The following CDH13 variants were observed in gnomAD, a reference collection of about 807,000 sequenced individuals.
CDH13 encodes the protein cadherin 13.
In CDH13, 24 loss-of-function variants were observed where a neutral mutation model predicts 63.8. The ratio of observed to expected loss-of-function variants is 0.38; its 90% confidence interval spans 0.27 to 0.53. CDH13 has a LOEUF of 0.53. Among genes scored for constraint, CDH13 ranks in the 20% least tolerant of loss-of-function variants. CDH13 has a pLI of 0.85. For synonymous variants in CDH13, 503 were observed against 355.3 expected (o/e 1.42, Z -4.67); for missense variants, 1,049 against 903.1 (o/e 1.16, Z -2.07).
At chr16:83,593,586 A>T (rs1391714112) in intron 7 of CDH13, among the ~76,000 whole-genome samples, 1 of 150,794 alleles carries the variant, frequency 6.6e-6, no homozygotes, top group Non-Finnish European at 1.5e-5. Context: ...TTGTATATTT[A>T]TGTAATAGTG....
intron 4 of CDH13, among the ~76,000 whole-genome samples, chr16:83,146,903 C>G (rs2036774858): frequency 6.6e-6 from 1 of 152,200 alleles, no homozygotes; most frequent in Admixed American, 6.5e-5. Context: ...GCCTAGTCAA[C>G]ATGGTGAAAC....
chr16:82,980,982 T>C (rs1910184406), intron 2 of CDH13, among the ~76,000 whole-genome samples: 1 of 152,168 alleles, frequency 6.6e-6, no homozygotes, highest in Non-Finnish European at 1.5e-5. Context: ...TGCTGCTTTT[T>C]TCTCATCCCC....
At chr16:83,021,829 C>G (rs764446831) in intron 2 of CDH13, among the ~76,000 whole-genome samples, 1 of 152,102 alleles carries the variant, frequency 6.6e-6, no homozygotes, top group East Asian at 1.9e-4. Flanking sequence ...TGACTCTAGG[C>G]CAAACATGGA....
At chr16:83,254,407 G>T (rs1161769079) in intron 5 of CDH13, among the ~76,000 whole-genome samples, 1 of 152,112 alleles carries the variant, frequency 6.6e-6, no homozygotes, top group Non-Finnish European at 1.5e-5. Context: ...AGTTTCAGGT[G>T]TTCTTCCTCA....
intron 5 of CDH13, among the ~76,000 whole-genome samples, chr16:83,293,515 A>G (rs78978760): frequency 0.076 from 11,518 of 152,244 alleles, 532 homozygotes; most frequent in Middle Eastern, 0.14. Context: ...AGCAGTCTAG[A>G]ATGTCGTCAT....
intron 2 of CDH13, among the ~76,000 whole-genome samples, chr16:82,886,831 C>G (rs929960392): frequency 5.9e-5 from 9 of 152,240 alleles, no homozygotes; most frequent in Middle Eastern, 3.4e-3. Context: ...ACTTCCCTAC[C>G]TTTGAGTGGG....
chr16:83,534,708 T>G (rs2075150310), intron 7 of CDH13, among the ~76,000 whole-genome samples: 1 of 152,250 alleles, frequency 6.6e-6, no homozygotes, highest in African/African-American at 2.4e-5. Flanking sequence ...CACATTTTGT[T>G]TGCCTATCCT....
At chr16:83,358,307 C>G (rs941242618) in intron 6 of CDH13, among the ~76,000 whole-genome samples, 1 of 152,136 alleles carries the variant, frequency 6.6e-6, no homozygotes, top group Non-Finnish European at 1.5e-5. Context: ...CTCCTACCAC[C>G]TATTTCTTTT....
intron 10 of CDH13, among the ~76,000 whole-genome samples, chr16:83,715,461 TC>T (rs1325839439): frequency 1.3e-5 from 2 of 152,178 alleles, no homozygotes; most frequent in African/African-American, 4.8e-5. Flanking sequence ...GGAGCCAGGA[TC>T]CTGGGGCTTG....
intron 6 of CDH13, among the ~76,000 whole-genome samples, chr16:83,396,198 T>C (rs1403559899): frequency 6.6e-6 from 1 of 152,186 alleles, no homozygotes; most frequent in African/African-American, 2.4e-5. Context: ...CTATCGTTGA[T>C]GGGCACTTAG....
intron 1 of CDH13, chr16:82,705,148 C>T (rs1032843427): frequency 4.4e-6 from 2 of 456,006 alleles, no homozygotes; most frequent in Non-Finnish European, 8.8e-6. Context: ...TTGCTGACCA[C>T]AAAGGCAAAA....
chr16:83,279,867 A>G (rs560629542), intron 5 of CDH13, among the ~76,000 whole-genome samples: 38 of 151,852 alleles, frequency 2.5e-4, no homozygotes, highest in African/African-American at 9.0e-4. Flanking sequence ...TTTCCAGTAC[A>G]TATAGAAGCT....
chr16:83,651,727 C>T (rs1053595295), intron 8 of CDH13, among the ~76,000 whole-genome samples: 24 of 151,490 alleles, frequency 1.6e-4, no homozygotes, highest in Middle Eastern at 3.2e-3. Flanking sequence ...TCCCAAGTAG[C>T]TGGGATTACA....
intron 1 of CDH13, 59 bp downstream of exon 1, chr16:82,627,196 G>C: frequency 6.8e-7 from 1 of 1,478,566 alleles, no homozygotes; most frequent in Non-Finnish European, 9.3e-7. Context: ...CGGATCGCCC[G>C]GCACGGGCAG....
chr16:83,208,497 G>T (rs1597517804), intron 4 of CDH13, among the ~76,000 whole-genome samples: 1 of 152,160 alleles, frequency 6.6e-6, no homozygotes, highest in South Asian at 2.1e-4. Flanking sequence ...TTAACGTAGA[G>T]TAGAAAACAT....
At chr16:83,444,778 C>G (rs1350290129) in intron 6 of CDH13, among the ~76,000 whole-genome samples, 4 of 46,748 alleles carry the variant, frequency 8.6e-5, no homozygotes, top group African/African-American at 2.8e-4. Context: ...TTATTTCATT[C>G]ATAATATTCT....
chr16:83,039,028 C>G (rs1019272620), intron 3 of CDH13, among the ~76,000 whole-genome samples: 1 of 152,170 alleles, frequency 6.6e-6, no homozygotes, highest in Non-Finnish European at 1.5e-5. Flanking sequence ...ACATGGAAGC[C>G]CACACACTAA....
chr16:83,005,102 A>G (rs983145282), intron 2 of CDH13, among the ~76,000 whole-genome samples: 3 of 152,154 alleles, frequency 2.0e-5, no homozygotes, highest in African/African-American at 4.8e-5. Context: ...TGGGAAGTGT[A>G]GTTTCTAACT....
At chr16:83,612,699 G>A (rs1253304413) in intron 8 of CDH13, among the ~76,000 whole-genome samples, 1 of 151,720 alleles carries the variant, frequency 6.6e-6, no homozygotes, top group Non-Finnish European at 1.5e-5. Context: ...CTTGTAGTGG[G>A]TTCTGAGAAA....
Sources: gnomAD v4.1 joint callset for allele counts (sites outside exome capture counted in the v4.1 genomes callset) on GRCh38, gnomAD v4.1.1 for gene constraint, MANE v1.5 for transcripts, NCBI Gene and HGNC (gene_info 2026-07-23, HGNC 2026-07-21) for gene names.